RUNX1: variants seen among roughly 807,000 people sequenced by gnomAD.
RUNX1 encodes runt-related transcription factor 1.
RUNX1 carries 19 observed loss-of-function variants against 42.8 expected under a neutral mutation model. That is an observed-to-expected ratio of 0.44 (90% CI 0.31 to 0.65). RUNX1 has a LOEUF of 0.65. Ranked by LOEUF, RUNX1 falls within the 30% of genes least tolerant of loss-of-function variation. The probability of loss-of-function intolerance (pLI) is 0.07; values close to 1 mark genes in which losing one functional copy is unlikely to be tolerated. For synonymous variants in RUNX1, 271 were observed against 289.4 expected (o/e 0.94, Z 0.64); for missense variants, 528 against 672.0 (o/e 0.79, Z 2.37).
intron 2 of RUNX1, among the ~76,000 whole-genome samples, chr21:35,010,190 A>C (rs984435966): frequency 1.4e-5 from 2 of 147,420 alleles, no homozygotes; most frequent in Non-Finnish European, 3.0e-5. Context: ...TTTTGGTTTC[A>C]AGGTGTTTTT....
intron 2 of RUNX1, among the ~76,000 whole-genome samples, chr21:34,925,433 G>A (rs1206413953): frequency 6.6e-6 from 1 of 152,166 alleles, no homozygotes; most frequent in East Asian, 1.9e-4. Context: ...GATGACTGGT[G>A]TTCTCATAAG....
At chr21:34,950,596 G>T (rs780353773) in intron 2 of RUNX1, among the ~76,000 whole-genome samples, 1 of 152,158 alleles carries the variant, frequency 6.6e-6, no homozygotes, top group Non-Finnish European at 1.5e-5. Flanking sequence ...AATTAGCTGC[G>T]CATGGTGGCG....
In RUNX1 at chr21:34,792,115, G is replaced by T. The variant is rs1331474509; in HGVS notation, c.*20C>A. 37 of 1,366,506 alleles carry T rather than the reference G, an allele frequency of 2.7e-5. No individual in the cohort carries two copies. The East Asian group carries it at 1.1e-3, about 41-fold the overall frequency. The allele number at this position is 1,366,506 out of a possible 1,614,324, so 84.6% of individuals were successfully genotyped here. A position where few individuals can be genotyped will look rare whatever the true frequency, so the allele number is the denominator to read the frequency against. On this transcript the variant is annotated 3_prime_UTR_variant, in exon 9 of 9. Transcript: ENST00000675419. The surrounding 1 kb of genome is among the most constrained non-coding windows in gnomAD (Gnocchi z 6.9). Reference sequence around the variant, plus strand: ...CGAAGGCGGCGGCCCGCGGGGCCCAGCCGGGCCAGGCCTGGCGCCTCAGTA... The same window carrying T: ...CGAAGGCGGCGGCCCGCGGGGCCCATCCGGGCCAGGCCTGGCGCCTCAGTA...
intron 7 of RUNX1, among the ~76,000 whole-genome samples, chr21:34,818,572 G>T (rs1272219646): frequency 6.6e-6 from 1 of 152,138 alleles, no homozygotes; most frequent in African/African-American, 2.4e-5. Flanking sequence ...TGTGAGATTG[G>T]ACTTGATTCG....
rs2058523347 is a variant in RUNX1, at chr21:34,941,104, G to A, written c.59-48141C>T. On this transcript the variant is annotated intron_variant, in intron 2 of 8. Transcript: ENST00000675419. ...TACTCTGTCCCTTTCTCTAGCCTCA[G>A]TCATCTGACCAGTGTGTGAACAACA... 2.0e-5 allele frequency among the ~76,000 whole-genome samples: 3 copies of A among 152,206 alleles called. 1 individual carries two copies. Among genetic ancestry groups the A allele is most frequent in the Admixed American group, 2.0e-4 (3 of 15,286 alleles).
chr21:34,805,132 C>A (rs1432318196), intron 7 of RUNX1, among the ~76,000 whole-genome samples: 1 of 151,960 alleles, frequency 6.6e-6, no homozygotes, highest in Non-Finnish European at 1.5e-5. Flanking sequence ...ACTTAGTAGA[C>A]AGAACATGAC....
intron 2 of RUNX1, among the ~76,000 whole-genome samples, chr21:35,023,616 A>G (rs554034512): frequency 1.3e-5 from 2 of 152,324 alleles, no homozygotes; most frequent in African/African-American, 4.8e-5. Context: ...TTTGGTCTCC[A>G]GCCCTGCCTC....
intron 2 of RUNX1, among the ~76,000 whole-genome samples, chr21:34,994,640 T>C (rs1483689827): frequency 6.6e-6 from 1 of 152,076 alleles, no homozygotes; most frequent in Non-Finnish European, 1.5e-5. Context: ...CCTAGGTACC[T>C]ACATTTACGG....
At chr21:34,824,384 A>G (rs1369758707) in intron 7 of RUNX1, among the ~76,000 whole-genome samples, 1 of 152,088 alleles carries the variant, frequency 6.6e-6, no homozygotes, top group Non-Finnish European at 1.5e-5. Context: ...TTCTATTATT[A>G]TTTTGCTTTA....
chr21:34,963,773 G>A (rs1283215879), intron 2 of RUNX1, among the ~76,000 whole-genome samples: 4 of 152,138 alleles, frequency 2.6e-5, no homozygotes, highest in Non-Finnish European at 4.4e-5. Flanking sequence ...CTACCCCGAC[G>A]CTGAAACAGG....
rs1051992072 is a variant in RUNX1, at chr21:34,824,398, A to G, written c.805+10012T>C. Among the ~76,000 whole-genome samples the G allele has an allele frequency of 2.0e-5, 3 of 152,128 alleles. No individual in the cohort carries two copies. The South Asian group carries it at 6.2e-4, about 32-fold the overall frequency. On this transcript the variant is annotated intron_variant, in intron 7 of 8. Transcript: ENST00000675419. ...TTTCTATTATTATTTTGCTTTATTT[A>G]CTGTGGTTGGTAACTGAATCTCTAA...
chr21:34,886,731 C>T (rs551987800), intron 4 of RUNX1, 112 bp downstream of exon 4: 2 of 1,534,664 alleles, frequency 1.3e-6, no homozygotes, highest in African/African-American at 1.4e-5. Context: ...CCCGGGGCTG[C>T]GGGGGCCCCT....
intron 2 of RUNX1, chr21:35,038,892 T>A (rs1231666627): frequency 1.4e-5 from 5 of 368,170 alleles, no homozygotes; most frequent in African/African-American, 1.1e-4. Flanking sequence ...GTTCAAATTT[T>A]GCCCTAGACC....
intron 2 of RUNX1, among the ~76,000 whole-genome samples, chr21:34,982,028 C>T (rs1408366566): frequency 6.6e-6 from 1 of 152,206 alleles, no homozygotes; most frequent in African/African-American, 2.4e-5. Context: ...TGCCAGTTCG[C>T]TGGGCACATT....
intron 8 of RUNX1, among the ~76,000 whole-genome samples, chr21:34,798,902 C>T (rs539691338): frequency 5.9e-5 from 9 of 152,262 alleles, no homozygotes; most frequent in East Asian, 3.9e-4. Context: ...CATGTACTCC[C>T]GTGTGCTGTC....
chr21:34,992,158 G>A (rs990475247), intron 2 of RUNX1, among the ~76,000 whole-genome samples: 6 of 152,232 alleles, frequency 3.9e-5, no homozygotes, highest in African/African-American at 7.2e-5. Flanking sequence ...TGAAGCGGGC[G>A]GTGTCTCCAG....
intron 2 of RUNX1, among the ~76,000 whole-genome samples, chr21:34,966,791 T>A (rs1569129301): frequency 1.3e-5 from 2 of 152,198 alleles, no homozygotes; most frequent in Non-Finnish European, 2.9e-5. Context: ...TAATGTTGTA[T>A]CTACATTAAT....
intron 6 of RUNX1, 78 bp from the exon 7 acceptor site, chr21:34,834,679 T>G: frequency 7.6e-7 from 1 of 1,317,554 alleles, no homozygotes; most frequent in Admixed American, 1.9e-5. Flanking sequence ...GTATTGTGGA[T>G]TTCCTAAAAC....
intron 2 of RUNX1, among the ~76,000 whole-genome samples, chr21:34,930,719 T>TCTCACA (rs1010285128): frequency 7.1e-6 from 1 of 140,510 alleles, no homozygotes; most frequent in African/African-American, 2.5e-5. Context: ...TCTCTCTCTC[T>TCTCACA]CACACACACA....
Sources: allele counts gnomAD v4.1 joint callset (sites outside exome capture counted in the v4.1 genomes callset), GRCh38; gene constraint gnomAD v4.1.1; non-coding constraint Gnocchi (gnomAD v3.1); transcripts MANE v1.5; gene names NCBI Gene and HGNC (gene_info 2026-07-23, HGNC 2026-07-21).